CHST15: variants seen among roughly 807,000 people sequenced by gnomAD.
CHST15 encodes the protein B cell RAG associated protein (GALNAC4S-6ST).
Under a neutral mutation model 53.6 loss-of-function variants are expected in CHST15, and 30 were observed. That is an observed-to-expected ratio of 0.56 (90% CI 0.42 to 0.76). The LOEUF (loss-of-function observed/expected upper bound fraction) is 0.76, where lower values mean the gene tolerates loss of function less well. Among genes scored for constraint, CHST15 ranks in the 30% least tolerant of loss-of-function variants. CHST15 has a pLI of 0.00. For synonymous variants in CHST15, 296 were observed against 289.8 expected (o/e 1.02, Z -0.22); for missense variants, 627 against 740.5 (o/e 0.85, Z 1.78).
chr10:124,070,566 G>A (rs28485910), intron 1 of CHST15, among the ~76,000 whole-genome samples: 14 of 151,722 alleles, frequency 9.2e-5, no homozygotes, highest in Admixed American at 2.6e-4. Context: ...AAATAGAAAC[G>A]GGGTTTCACC....
intron 1 of CHST15, among the ~76,000 whole-genome samples, chr10:124,076,217 A>G (rs1369233477): frequency 2.0e-5 from 3 of 152,138 alleles, no homozygotes; most frequent in African/African-American, 4.8e-5. Flanking sequence ...TGAGGCTTAT[A>G]CACACACATA....
At chr10:124,010,717 G>A in intron 7 of CHST15, 2 of 985,452 alleles carry the variant, frequency 2.0e-6, no homozygotes, top group South Asian at 4.7e-5. Flanking sequence ...CACAGCCCAC[G>A]GGTTTCGGTT....
chr10:124,043,997 ACAGCACAGAGCAGGGAG>A (rs1305925241), intron 3 of CHST15, among the ~76,000 whole-genome samples: 70 of 149,502 alleles, frequency 4.7e-4, no homozygotes, highest in South Asian at 2.1e-3. Flanking sequence ...GAGCAGAGGA[ACAGCACAGAGCAGGGAG>A]CAGCACAGAG....
At chr10:124,046,903 T>G (rs548982414) in intron 1 of CHST15, among the ~76,000 whole-genome samples, 179 bp from the exon 2 acceptor site, 61 of 152,330 alleles carry the variant, frequency 4.0e-4, no homozygotes, top group African/African-American at 1.4e-3. Flanking sequence ...TTCAGGTTCT[T>G]GCAGCTGGCT....
intron 1 of CHST15, among the ~76,000 whole-genome samples, chr10:124,090,839 C>A (rs577393878): frequency 3.3e-5 from 5 of 152,356 alleles, no homozygotes; most frequent in African/African-American, 9.6e-5. Flanking sequence ...CTGCCACCCC[C>A]CTGGACAATA....
intron 5 of CHST15, among the ~76,000 whole-genome samples, chr10:124,038,042 A>G (rs1410205912): frequency 5.9e-5 from 9 of 152,308 alleles, no homozygotes; most frequent in African/African-American, 1.9e-4. Flanking sequence ...AGCCTCAAGA[A>G]TAACACTTAC....
chr10:124,018,688 G>A lies in CHST15; in HGVS notation c.1347+2568C>T, dbSNP rs559014446. ...CCAAGCTGTTATATTTGGGGGCAGT[G>A]TGCCTTGAACCCCATCAATAGTGAT... On this transcript the variant is annotated intron_variant, in intron 6 of 7. Coordinates refer to ENST00000435907, the MANE Select transcript of CHST15 (RefSeq NM_001270764.2). Among the ~76,000 whole-genome samples, 11 of 152,324 alleles carry A rather than the reference G, an allele frequency of 7.2e-5. No homozygotes were observed. The East Asian group carries it at 1.2e-3, about 16-fold the overall frequency.
intron 7 of CHST15, among the ~76,000 whole-genome samples, chr10:124,011,254 GA>G (rs1338053650): frequency 6.6e-6 from 1 of 152,220 alleles, no homozygotes; most frequent in Non-Finnish European, 1.5e-5. Flanking sequence ...CCCATAGACA[GA>G]AAAAGCATGT....
intron 5 of CHST15, among the ~76,000 whole-genome samples, chr10:124,034,124 C>T (rs886070250): frequency 5.3e-5 from 8 of 152,202 alleles, no homozygotes; most frequent in African/African-American, 1.7e-4. Context: ...CACTGTTGTT[C>T]ACCAGGGCAC....
Position 124,036,924 on chromosome 10 carries a change from G to T in CHST15, c.1190+1591C>A, listed in dbSNP as rs554612814. ...ACAAATCACCACGAACTCGTGGTGC[G>T]TAATGACAGGACTTTCTTCCCTCAG... On this transcript the variant is annotated intron_variant, in intron 5 of 7. Transcript: ENST00000435907. The surrounding 1 kb of genome is among the most constrained non-coding windows in gnomAD (Gnocchi z 5.1). 6.6e-6 allele frequency among the ~76,000 whole-genome samples: 1 copy of T among 152,280 alleles called. No individual in the cohort carries two copies. The highest frequency in any genetic ancestry group is 2.4e-5 in the African/African-American group (1 of 41,564).
intron 1 of CHST15, among the ~76,000 whole-genome samples, chr10:124,063,861 G>A (rs1253072213): frequency 1.3e-5 from 2 of 152,228 alleles, no homozygotes; most frequent in Admixed American, 1.3e-4. Flanking sequence ...AGGTAGAGTA[G>A]AGAGGGGAAG....
chr10:124,018,212 A>T (rs1037670548), intron 6 of CHST15, among the ~76,000 whole-genome samples: 21 of 152,324 alleles, frequency 1.4e-4, no homozygotes, highest in African/African-American at 5.1e-4. Context: ...CTCAGGGGAC[A>T]AAGGTGCACC....
chr10:124,028,941 G>A (rs1393414723), intron 5 of CHST15, among the ~76,000 whole-genome samples: 7 of 144,810 alleles, frequency 4.8e-5, no homozygotes, highest in Middle Eastern at 3.5e-3. Context: ...GACAGTTACC[G>A]GAACGGCCCC....
At chr10:124,064,512 C>T (rs73370245) in intron 1 of CHST15, among the ~76,000 whole-genome samples, 3,403 of 152,228 alleles carry the variant, frequency 0.022, 139 homozygotes, top group African/African-American at 0.078. Context: ...GTGGGGCTTG[C>T]GGCCCGGGAG....
intron 1 of CHST15, among the ~76,000 whole-genome samples, chr10:124,060,484 C>A (rs1948531144): frequency 1.3e-5 from 2 of 148,566 alleles, no homozygotes; most frequent in African/African-American, 5.0e-5. Flanking sequence ...GTGCCAGCCC[C>A]CCAGGGGTGT....
chr10:124,049,975 CAGTT>C (rs947182286), intron 1 of CHST15, among the ~76,000 whole-genome samples: 8 of 152,070 alleles, frequency 5.3e-5, no homozygotes, highest in Admixed American at 2.0e-4. Flanking sequence ...GTAAGATAAT[CAGTT>C]AGGTTCTGGA....
At position 124,042,409 on chromosome 10, in the gene CHST15, G is replaced by A; in HGVS notation, c.925C>T (p.Pro309Ser). ...AAGAGGTCCAGATAATCTTCCACGG[G>A]ATAGCGGTCTCGCAGCCCATCTCTT... ...RLRDGLRDRY[P>S]VEDYLDLFDL... Residue 309 changes from proline (P) to serine (S), a missense_variant, in exon 4 of 8, where the codon CCC (proline) becomes TCC (serine). Physicochemically the swap from Pro to Ser is moderately conservative, Grantham distance 74. This residue lies in a region of CHST15 where 279 missense variants were observed against 371.6 expected (regional missense o/e 0.75). Coordinates refer to ENST00000435907, the MANE Select transcript of CHST15 (RefSeq NM_001270764.2). The A allele has an allele frequency of 6.2e-7, 1 of 1,614,238 alleles. No individual in the cohort carries two copies. The highest frequency in any genetic ancestry group is 1.6e-4 in the Middle Eastern group (1 of 6,062).
At chr10:124,035,141 G>GCCCCCTAACAGGGACCCTGGCTCTA in intron 5 of CHST15, among the ~76,000 whole-genome samples, 1 of 79,220 alleles carries the variant, frequency 1.3e-5, no homozygotes, top group East Asian at 4.4e-4. Flanking sequence ...CCCCGGCTCC[G>GCCCCCTAACAGGGACCCTGGCTCTA]CCCCCTAACG....
intron 1 of CHST15, among the ~76,000 whole-genome samples, chr10:124,067,743 A>T (rs1948790103): frequency 6.6e-6 from 1 of 151,982 alleles, no homozygotes; most frequent in Non-Finnish European, 1.5e-5. Context: ...CAGCCTCCCA[A>T]ATAGCTGGGA....
Sources: allele counts gnomAD v4.1 joint callset (sites outside exome capture counted in the v4.1 genomes callset), GRCh38; gene constraint gnomAD v4.1.1; regional missense constraint gnomAD v4.1.1; non-coding constraint Gnocchi (gnomAD v3.1); transcripts MANE v1.5; gene names NCBI Gene and HGNC (gene_info 2026-07-23, HGNC 2026-07-21).